Variants in PHACTR2 observed in about 807,000 individuals in gnomAD.
PHACTR2 encodes the protein phosphatase and actin regulator 2, also known as chromosome 6 open reading frame 56.
PHACTR2 carries 30 observed loss-of-function variants against 76.0 expected under a neutral mutation model. The ratio of observed to expected loss-of-function variants is 0.39; its 90% CI spans 0.30 to 0.54. PHACTR2 has a LOEUF of 0.54. PHACTR2 is among the 20% of genes least tolerant of loss of function. The pLI, the probability that PHACTR2 is intolerant of heterozygous loss-of-function variation, is 0.61. For missense variants in PHACTR2, 696 were observed against 781.1 expected (o/e 0.89, Z 1.30); for synonymous variants, 292 against 292.5 (o/e 1.00, Z 0.02).
At chr6:143,568,889 TTTCCACGGA>T (rs1335533253) in intron 1 of PHACTR2, among the ~76,000 whole-genome samples, 1 of 152,222 alleles carries the variant, frequency 6.6e-6, no homozygotes, top group Non-Finnish European at 1.5e-5. Context: ...GATTCCAGTA[TTTCCACGGA>T]ATAGTAGATC....
intron 1 of PHACTR2, among the ~76,000 whole-genome samples, chr6:143,634,127 C>T (rs1285744246): frequency 6.6e-6 from 1 of 152,166 alleles, no homozygotes; most frequent in Non-Finnish European, 1.5e-5. Flanking sequence ...CTCTGAGTCC[C>T]ATGTTGGCCT....
intron 1 of PHACTR2, among the ~76,000 whole-genome samples, chr6:143,540,086 T>C (rs1248735303): frequency 1.3e-5 from 2 of 152,180 alleles, no homozygotes; most frequent in African/African-American, 4.8e-5. Context: ...TTTTAGTACC[T>C]TCTCACATCC....
At chr6:143,788,193 C>T (rs1420100997) in intron 10 of PHACTR2, among the ~76,000 whole-genome samples, 1 of 152,202 alleles carries the variant, frequency 6.6e-6, no homozygotes, top group Non-Finnish European at 1.5e-5. Flanking sequence ...CCTCCCCATT[C>T]GTGTACATCG....
intron 1 of PHACTR2, among the ~76,000 whole-genome samples, chr6:143,620,676 A>G (rs1776138042): frequency 6.6e-6 from 1 of 152,206 alleles, no homozygotes; most frequent in African/African-American, 2.4e-5. Context: ...GACATATAAA[A>G]TCCATGTCTG....
At chr6:143,726,552 C>CTTA (rs1361865914) in intron 2 of PHACTR2, among the ~76,000 whole-genome samples, 2 of 152,168 alleles carry the variant, frequency 1.3e-5, no homozygotes, top group African/African-American at 4.8e-5. Context: ...TTTCACCTAG[C>CTTA]ATAATGTCCT....
At chr6:143,728,168 C>T (rs962395638) in intron 2 of PHACTR2, among the ~76,000 whole-genome samples, 3 of 146,492 alleles carry the variant, frequency 2.0e-5, no homozygotes, top group South Asian at 4.4e-4. Context: ...TTCTTTCTTT[C>T]GTTCATTCGT....
At chr6:143,640,997 G>A (rs1343727354) in intron 1 of PHACTR2, among the ~76,000 whole-genome samples, 1 of 152,196 alleles carries the variant, frequency 6.6e-6, no homozygotes, top group Non-Finnish European at 1.5e-5. Context: ...ATCTGAGACA[G>A]GGTAATTTAT....
intron 1 of PHACTR2, among the ~76,000 whole-genome samples, chr6:143,568,538 T>C (rs1225519203): frequency 1.3e-5 from 2 of 152,070 alleles, no homozygotes; most frequent in Admixed American, 6.6e-5. Context: ...GGGTAGGGGG[T>C]CTTCCTCCCA....
intron 1 of PHACTR2, among the ~76,000 whole-genome samples, chr6:143,601,049 C>T (rs371528733): frequency 1.3e-4 from 20 of 152,296 alleles, no homozygotes; most frequent in African/African-American, 4.3e-4. Flanking sequence ...TTAGTTTCTT[C>T]ATCTATAAAA....
chr6:143,809,584 A>G lies in PHACTR2; in HGVS notation c.1922+2451A>G, dbSNP rs1390292142. Among the ~76,000 whole-genome samples the G allele has an allele frequency of 5.3e-5, 8 of 152,154 alleles. No homozygotes were observed. Among genetic ancestry groups the G allele is most frequent in the Admixed American group, 3.3e-4 (5 of 15,270 alleles). ...AAGCATTCAAGCAATACAAAATTCT[A>G]TTAAGTATAAATGAAAAACCTTCAC... On this transcript the variant is annotated intron_variant, in intron 12 of 12. Coordinates refer to ENST00000440869, the MANE Select transcript of PHACTR2 (RefSeq NM_001100164.2). The surrounding 1 kb of genome is among the most constrained non-coding windows in gnomAD (Gnocchi z 4.2).
At chr6:143,577,881 A>C (rs561828643) in intron 1 of PHACTR2, among the ~76,000 whole-genome samples, 7 of 152,362 alleles carry the variant, frequency 4.6e-5, no homozygotes, top group South Asian at 2.1e-4. Flanking sequence ...AGTGCAACCA[A>C]AACCAAGGGA....
chr6:143,718,816 A>C (rs992192420), intron 2 of PHACTR2, among the ~76,000 whole-genome samples: 4 of 152,144 alleles, frequency 2.6e-5, no homozygotes, highest in Non-Finnish European at 5.9e-5. Context: ...TGCATTAATA[A>C]ATGACAGCAT....
At chr6:143,637,280 CT>C (rs1776473855) in intron 1 of PHACTR2, among the ~76,000 whole-genome samples, 1 of 149,982 alleles carries the variant, frequency 6.7e-6, no homozygotes, top group African/African-American at 2.5e-5. Context: ...GTTAACCATT[CT>C]TTTGTTTTTC....
chr6:143,705,384 T>G (rs1778028683), intron 1 of PHACTR2, among the ~76,000 whole-genome samples: 1 of 146,992 alleles, frequency 6.8e-6, no homozygotes, highest in Non-Finnish European at 1.5e-5. Flanking sequence ...AAGCTCTGCC[T>G]CCCGGGTTCA....
chr6:143,756,433 C>T lies in PHACTR2; in HGVS notation c.454+2521C>T, dbSNP rs528696144. On this transcript the variant is annotated intron_variant, in intron 4 of 12. Coordinates refer to ENST00000440869, the MANE Select transcript of PHACTR2 (RefSeq NM_001100164.2). ...AGAAAAGGCCGGGCGCCGTGGCTCACGCCTGTAATCCCAGCACTTTGGGAG... is the reference window on the plus strand; with the variant it reads ...AGAAAAGGCCGGGCGCCGTGGCTCATGCCTGTAATCCCAGCACTTTGGGAG... Among the ~76,000 whole-genome samples, 102 of 152,276 alleles carry T rather than the reference C, an allele frequency of 6.7e-4. 1 individual carries two copies. The highest frequency in any genetic ancestry group is 2.1e-3 in the African/African-American group (87 of 41,570).
chr6:143,799,636 G>A (rs545761772), intron 11 of PHACTR2, among the ~76,000 whole-genome samples: 15 of 152,194 alleles, frequency 9.9e-5, no homozygotes, highest in Middle Eastern at 3.4e-3. Flanking sequence ...CCTTCATTTC[G>A]TTATTTATCA....
intron 2 of PHACTR2, among the ~76,000 whole-genome samples, chr6:143,723,107 C>T (rs1419870439): frequency 6.6e-6 from 1 of 152,132 alleles, no homozygotes; most frequent in African/African-American, 2.4e-5. Flanking sequence ...TGTAATGAAC[C>T]ACATGTCTTG....
chr6:143,559,393 G>A (rs1385598236), intron 1 of PHACTR2, among the ~76,000 whole-genome samples: 4 of 152,176 alleles, frequency 2.6e-5, no homozygotes, highest in African/African-American at 9.7e-5. Context: ...TCAGGAGAAA[G>A]GAAGGAGAGG....
chr6:143,759,201 C>T (rs192369116), intron 4 of PHACTR2, among the ~76,000 whole-genome samples: 9 of 152,292 alleles, frequency 5.9e-5, no homozygotes, highest in Admixed American at 2.6e-4. Context: ...CTTTCTCCTC[C>T]GGTTACACAA....
Sources: allele counts gnomAD v4.1 joint callset (sites outside exome capture counted in the v4.1 genomes callset), GRCh38; gene constraint gnomAD v4.1.1; non-coding constraint Gnocchi (gnomAD v3.1); transcripts MANE v1.5; gene names NCBI Gene and HGNC (gene_info 2026-07-23, HGNC 2026-07-21).